IQCM: variants seen among roughly 807,000 people sequenced by gnomAD.
IQCM encodes IQ domain-containing protein M.
In IQCM, 45 loss-of-function variants were observed where a neutral mutation model predicts 57.6. That is an observed-to-expected ratio of 0.78 (90% CI 0.62 to 1.00). The LOEUF (loss-of-function observed/expected upper bound fraction) is 1.00, where lower values mean the gene tolerates loss of function less well. Ranked by LOEUF, IQCM falls within the 50% of genes least tolerant of loss-of-function variation. The pLI, the probability that IQCM is intolerant of heterozygous loss-of-function variation, is 0.00. For synonymous variants in IQCM, 148 were observed against 158.9 expected (o/e 0.93, Z 0.51); for missense variants, 468 against 511.6 (o/e 0.91, Z 0.82).
chr4:149,503,514 G>A (rs1490173997), intron 12 of IQCM, among the ~76,000 whole-genome samples: 1 of 152,050 alleles, frequency 6.6e-6, no homozygotes, highest in African/African-American at 2.4e-5. Context: ...CACCTATAGA[G>A]TTTTTAGAGA....
chr4:149,523,477 A>G (rs1745861399), intron 12 of IQCM, among the ~76,000 whole-genome samples: 1 of 152,176 alleles, frequency 6.6e-6, no homozygotes, highest in Non-Finnish European at 1.5e-5. Context: ...AAAAGTAAAT[A>G]TATAAATATA....
intron 13 of IQCM, among the ~76,000 whole-genome samples, chr4:149,419,013 A>G (rs2111207913): frequency 6.6e-6 from 1 of 152,256 alleles, no homozygotes; most frequent in South Asian, 2.1e-4. Context: ...ATGGAGAAAC[A>G]TTCCATGCTC....
At chr4:149,773,723 T>C (rs1466250852) in intron 2 of IQCM, among the ~76,000 whole-genome samples, 2 of 152,230 alleles carry the variant, frequency 1.3e-5, no homozygotes, top group East Asian at 1.9e-4. Context: ...GAGGAGTTCA[T>C]TTAAATGAGT....
intron 12 of IQCM, among the ~76,000 whole-genome samples, chr4:149,503,046 C>A (rs1406896921): frequency 1.3e-5 from 2 of 151,466 alleles, no homozygotes; most frequent in African/African-American, 4.9e-5. Flanking sequence ...GACTCCAACT[C>A]TACAAAAAAA....
intron 12 of IQCM, among the ~76,000 whole-genome samples, chr4:149,490,031 T>C (rs1254062957): frequency 1.3e-5 from 2 of 152,002 alleles, no homozygotes; most frequent in Admixed American, 1.3e-4. Flanking sequence ...ATTTTACTGA[T>C]GCTAGCTCTA....
intron 12 of IQCM, among the ~76,000 whole-genome samples, chr4:149,478,374 T>C (rs1307452467): frequency 6.6e-6 from 1 of 152,136 alleles, no homozygotes; most frequent in Non-Finnish European, 1.5e-5. Context: ...GTTCTGAAAG[T>C]CTGGGCCTAT....
chr4:149,448,497 C>G (rs988370210), intron 12 of IQCM, among the ~76,000 whole-genome samples: 4 of 151,036 alleles, frequency 2.6e-5, no homozygotes, highest in African/African-American at 9.7e-5. Context: ...GCAAAAAATA[C>G]AGATCAGAGG....
chr4:149,621,237 T>C lies in IQCM; in HGVS notation c.573A>G (p.Ala191=). Residue 191 remains alanine (A), a synonymous_variant, in exon 8 of 14, where the codon GCA becomes GCG. Coordinates refer to ENST00000636793, the MANE Select transcript of IQCM (RefSeq NM_001363507.2). Reference sequence around the variant, plus strand: ...GCACAAATCCTCTCCAGTCATAGAATGCTTTGTCTGTTAGAAATATCAATG... The same window carrying C: ...GCACAAATCCTCTCCAGTCATAGAACGCTTTGTCTGTTAGAAATATCAATG... ...NLELLKEPDK[A]FYDWRGFVLT... 2 of 1,227,836 alleles carry C rather than the reference T, an allele frequency of 1.6e-6. No homozygotes were observed. The highest frequency in any genetic ancestry group is 2.0e-6 in the Non-Finnish European group (2 of 984,024). 76.1% of individuals were successfully genotyped at this position (1,227,836 alleles called of 1,614,324 possible).
At chr4:149,553,638 GAT>G in intron 10 of IQCM, among the ~76,000 whole-genome samples, 1 of 152,256 alleles carries the variant, frequency 6.6e-6, no homozygotes, top group Non-Finnish European at 1.5e-5. Context: ...TGTAATAGAT[GAT>G]TCTTGTCTAA....
Position 149,481,696 on chromosome 4 carries a change from G to GTTTTGTTTTTTTTTTTTTGTT in IQCM, c.1229-48140_1229-48139insAACAAAAAAAAAAAAACAAAA, listed in dbSNP as rs1560895742. On this transcript the variant is annotated intron_variant, in intron 12 of 13. Coordinates refer to ENST00000636793, the MANE Select transcript of IQCM (RefSeq NM_001363507.2). ...GAAGTCATGTAATGTGATTCTTCCAGTTTTGTTTTTTTTTTTTTTTTTTTT... is the reference window on the plus strand; with the variant it reads ...GAAGTCATGTAATGTGATTCTTCCAGTTTTGTTTTTTTTTTTTTGTTTTTTGTTTTTTTTTTTTTTTTTTTT... 8.6e-4 allele frequency among the ~76,000 whole-genome samples: 29 copies of GTTTTGTTTTTTTTTTTTTGTT among 33,598 alleles called. 1 individual carries two copies. Among genetic ancestry groups the GTTTTGTTTTTTTTTTTTTGTT allele is most frequent in the Non-Finnish European group, 1.2e-3 (23 of 19,220 alleles). 22.0% of individuals were successfully genotyped at this position (33,598 alleles called of 152,430 possible). A position where few individuals can be genotyped will look rare whatever the true frequency, so the allele number is the denominator to read the frequency against.
At chr4:149,542,139 T>C (rs1402128017) in intron 12 of IQCM, among the ~76,000 whole-genome samples, 4 of 152,072 alleles carry the variant, frequency 2.6e-5, no homozygotes, top group Admixed American at 6.6e-5. Context: ...AAAAGTGTTG[T>C]AGCTGGATGG....
At chr4:149,728,735 G>A (rs1434450296) in intron 5 of IQCM, among the ~76,000 whole-genome samples, 1 of 152,086 alleles carries the variant, frequency 6.6e-6, no homozygotes, top group East Asian at 1.9e-4. Flanking sequence ...CAAGTTTGAT[G>A]AGCATCTATC....
chr4:149,590,955 T>A (rs898647246), intron 8 of IQCM, among the ~76,000 whole-genome samples: 2 of 152,024 alleles, frequency 1.3e-5, no homozygotes, highest in Non-Finnish European at 2.9e-5. Context: ...ATCATCCTTC[T>A]TTAAAAACCT....
chr4:149,527,784 T>G (rs568743714), intron 12 of IQCM, among the ~76,000 whole-genome samples: 1 of 152,302 alleles, frequency 6.6e-6, no homozygotes, highest in Non-Finnish European at 1.5e-5. Flanking sequence ...TCCCATGCCA[T>G]GCTGTGTTAA....
At chr4:149,761,120 G>A (rs867776258) in intron 2 of IQCM, among the ~76,000 whole-genome samples, 3 of 152,046 alleles carry the variant, frequency 2.0e-5, no homozygotes, top group Non-Finnish European at 4.4e-5. Flanking sequence ...ACATACGCCA[G>A]CACGTGAAAC....
intron 12 of IQCM, among the ~76,000 whole-genome samples, chr4:149,473,284 AT>A (rs1255055545): frequency 1.3e-5 from 2 of 152,202 alleles, no homozygotes; most frequent in Non-Finnish European, 2.9e-5. Context: ...CAAGAAAAAA[AT>A]CAAACAACCT....
chr4:149,416,324 G>T (rs1174304219), intron 13 of IQCM, among the ~76,000 whole-genome samples: 1 of 152,008 alleles, frequency 6.6e-6, no homozygotes, highest in Non-Finnish European at 1.5e-5. Flanking sequence ...ATCTATTTTT[G>T]TATTCAATAT....
At chr4:149,388,772 T>C (rs1731630851) in intron 13 of IQCM, among the ~76,000 whole-genome samples, 1 of 146,178 alleles carries the variant, frequency 6.8e-6, no homozygotes, top group African/African-American at 2.5e-5. Flanking sequence ...GACATATATA[T>C]ATACACACAC....
At chr4:149,540,873 T>C (rs865794596) in intron 12 of IQCM, among the ~76,000 whole-genome samples, 4 of 152,116 alleles carry the variant, frequency 2.6e-5, no homozygotes, top group Non-Finnish European at 5.9e-5. Context: ...ATTTTCAAAA[T>C]GTGTTACAAT....
Sources: gnomAD v4.1 joint callset for allele counts (sites outside exome capture counted in the v4.1 genomes callset) on GRCh38, gnomAD v4.1.1 for gene constraint, MANE v1.5 for transcripts, NCBI Gene and HGNC (gene_info 2026-07-23, HGNC 2026-07-21) for gene names.